ROBO1: variants seen among roughly 807,000 people sequenced by gnomAD.
The protein encoded by ROBO1 is roundabout guidance receptor 1, also known as roundabout homolog 1.
A neutral mutation model predicts 195.9 loss-of-function variants in ROBO1; 149 were observed. The observed-to-expected ratio is 0.76, with a 90% CI of 0.67 to 0.87. ROBO1 has a LOEUF of 0.87. Among genes scored for constraint, ROBO1 ranks in the 40% least tolerant of loss-of-function variants. ROBO1 has a pLI of 0.00. For missense variants in ROBO1, 1,933 were observed against 2,068.3 expected, an observed-to-expected ratio of 0.93 and a Z score of 1.27; for synonymous variants, 816 against 733.2, an observed-to-expected ratio of 1.11 and a Z score of -1.82.
At chr3:79,098,237 CT>C (rs1184719503) in intron 3 of ROBO1, among the ~76,000 whole-genome samples, 1 of 151,802 alleles carries the variant, frequency 6.6e-6, no homozygotes, top group African/African-American at 2.4e-5. Context: ...AAATTGCTTA[CT>C]TTTCTTTGTC....
At chr3:79,740,018 TTTTC>T (rs1703566633) in intron 1 of ROBO1, among the ~76,000 whole-genome samples, 1 of 151,840 alleles carries the variant, frequency 6.6e-6, no homozygotes. Context: ...TGATTTTTAT[TTTTC>T]TTTATTTTAT....
intron 2 of ROBO1, among the ~76,000 whole-genome samples, chr3:79,287,806 A>G (rs2031983610): frequency 6.6e-6 from 1 of 152,172 alleles, no homozygotes; most frequent in East Asian, 1.9e-4. Context: ...ATTTTGATAC[A>G]AATGTTTCCA....
rs368014518 is a variant in ROBO1, at chr3:79,470,096, A to C, written c.88+119728T>G. Among the ~76,000 whole-genome samples, 8 of 152,306 alleles carry C rather than the reference A, an allele frequency of 5.3e-5. No homozygotes were observed. In the South Asian group the frequency reaches 1.5e-3, roughly 28 times the overall value. On this transcript the variant is annotated intron_variant, in intron 2 of 30. Transcript: ENST00000464233. ...ATGTATACTAAATCGTGCTGCTATAAAGACACATGAACATGTATGTTTATT... is the reference window on the plus strand; with the variant it reads ...ATGTATACTAAATCGTGCTGCTATACAGACACATGAACATGTATGTTTATT...
chr3:79,041,968 A>G (rs921435765), intron 3 of ROBO1, among the ~76,000 whole-genome samples: 1 of 152,214 alleles, frequency 6.6e-6, no homozygotes, highest in Admixed American at 6.5e-5. Context: ...AGACTATAGC[A>G]TGACCAATTC....
chr3:79,598,540 T>C (rs1483876419), intron 1 of ROBO1, among the ~76,000 whole-genome samples: 3 of 152,034 alleles, frequency 2.0e-5, no homozygotes, highest in African/African-American at 7.2e-5. Context: ...TTCTGTGTAC[T>C]TTATTATTTA....
intron 2 of ROBO1, among the ~76,000 whole-genome samples, chr3:79,555,047 G>A (rs1266325550): frequency 6.6e-6 from 1 of 152,040 alleles, no homozygotes; most frequent in East Asian, 1.9e-4. Flanking sequence ...GCTTTGGAGT[G>A]ACAATGGGAA....
At chr3:79,551,103 A>C (rs1052043770) in intron 2 of ROBO1, among the ~76,000 whole-genome samples, 1 of 152,082 alleles carries the variant, frequency 6.6e-6, no homozygotes, top group South Asian at 2.1e-4. Context: ...TCAGCCTCCA[A>C]AACCATAAGT....
chr3:79,146,239 C>G (rs1287877960), intron 2 of ROBO1, among the ~76,000 whole-genome samples: 1 of 151,964 alleles, frequency 6.6e-6, no homozygotes, highest in African/African-American at 2.4e-5. Flanking sequence ...CCTGTCATCA[C>G]TCACCGTGCA....
intron 4 of ROBO1, among the ~76,000 whole-genome samples, chr3:78,756,259 C>T (rs921751203): frequency 6.6e-6 from 1 of 151,860 alleles, no homozygotes; most frequent in African/African-American, 2.4e-5. Flanking sequence ...ATGAAAATAA[C>T]TCAAAACGTG....
intron 2 of ROBO1, among the ~76,000 whole-genome samples, chr3:79,338,979 T>C (rs1292656513): frequency 6.6e-6 from 1 of 152,190 alleles, no homozygotes; most frequent in East Asian, 1.9e-4. Context: ...GCAGCTCCAC[T>C]CTTTATGTTT....
At chr3:79,051,227 T>G (rs939273425) in intron 3 of ROBO1, among the ~76,000 whole-genome samples, 1 of 151,984 alleles carries the variant, frequency 6.6e-6, no homozygotes, top group Admixed American at 6.6e-5. Flanking sequence ...AAAGGGGATA[T>G]CACCACAGAT....
intron 3 of ROBO1, among the ~76,000 whole-genome samples, chr3:79,046,954 A>G (rs1171895732): frequency 1.3e-5 from 2 of 152,178 alleles, no homozygotes; most frequent in Admixed American, 6.6e-5. Flanking sequence ...GCAGCAATAG[A>G]TAACTAATAC....
chr3:79,309,752 A>G (rs1007374583), intron 2 of ROBO1, among the ~76,000 whole-genome samples: 1 of 152,204 alleles, frequency 6.6e-6, no homozygotes, highest in African/African-American at 2.4e-5. Context: ...TTACAAGTGT[A>G]TTAGACAGCA....
chr3:79,673,460 A>G (rs1223099114), intron 1 of ROBO1, among the ~76,000 whole-genome samples: 1 of 152,002 alleles, frequency 6.6e-6, no homozygotes, highest in Non-Finnish European at 1.5e-5. Context: ...GCTAGGTGGA[A>G]CTTGAGCATC....
At chr3:79,126,872 T>C (rs1023732618) in intron 2 of ROBO1, among the ~76,000 whole-genome samples, 2 of 152,038 alleles carry the variant, frequency 1.3e-5, no homozygotes, top group Non-Finnish European at 2.9e-5. Flanking sequence ...TGGAAATTCT[T>C]AAAAAAGGAA....
chr3:79,525,382 T>TTATGAGAAATAA (rs1282480315), intron 2 of ROBO1, among the ~76,000 whole-genome samples: 1 of 149,718 alleles, frequency 6.7e-6, no homozygotes, highest in African/African-American at 2.4e-5. Context: ...ATTGAAAATA[T>TTATGAGAAATAA]TATGAGAAAT....
chr3:78,755,268 G>A (rs2082899529), intron 4 of ROBO1, among the ~76,000 whole-genome samples: 1 of 152,132 alleles, frequency 6.6e-6, no homozygotes. Context: ...AGGAGTTGGA[G>A]ACCAGCCTGC....
chr3:78,626,946 T>C (rs1704831608), intron 26 of ROBO1, among the ~76,000 whole-genome samples: 2 of 152,102 alleles, frequency 1.3e-5, no homozygotes, highest in Admixed American at 6.6e-5. Context: ...AGAAAATCTG[T>C]TTTCTGCTGA....
rs113020940 is a variant in ROBO1, at chr3:78,843,753, G to T, written c.499+94848C>A. On this transcript the variant is annotated intron_variant, in intron 4 of 30. Transcript: ENST00000464233. ...AAAATAATCCTAGAAATCAAAGTTC[G>T]AGAAGAATCTCTTTGCAGGCAATAA... Among the ~76,000 whole-genome samples, 800 of 152,086 alleles carry T rather than the reference G, an allele frequency of 5.3e-3. 11 individuals carry two copies. The highest frequency in any genetic ancestry group is 0.018 in the African/African-American group (727 of 41,496).
Sources: allele counts gnomAD v4.1 joint callset (sites outside exome capture counted in the v4.1 genomes callset), GRCh38; gene constraint gnomAD v4.1.1; transcripts MANE v1.5; gene names NCBI Gene and HGNC (gene_info 2026-07-23, HGNC 2026-07-21).